The following KCTD1 variants were observed in gnomAD, a reference collection of about 807,000 sequenced individuals.
KCTD1 encodes potassium channel tetramerization domain containing 1.
A neutral mutation model predicts 66.0 loss-of-function variants in KCTD1; 24 were observed. The observed-to-expected ratio is 0.36, with a 90% CI of 0.26 to 0.51. The LOEUF (loss-of-function observed/expected upper bound fraction) is 0.51. KCTD1 is among the 20% of genes least tolerant of loss of function. The pLI, the probability that KCTD1 is intolerant of heterozygous loss-of-function variation, is 0.95. For synonymous variants in KCTD1, 511 were observed against 517.2 expected (o/e 0.99, Z 0.16); for missense variants, 943 against 1,205.2 (o/e 0.78, Z 3.22).
intron 2 of KCTD1, among the ~76,000 whole-genome samples, chr18:26,478,566 A>C (rs1981466303): frequency 6.6e-6 from 1 of 152,200 alleles, no homozygotes; most frequent in Non-Finnish European, 1.5e-5. Context: ...TCTTTTAAAA[A>C]TCCTGTTTTT....
chr18:26,464,650 CTG>C (rs923832941), intron 3 of KCTD1, among the ~76,000 whole-genome samples: 4 of 152,332 alleles, frequency 2.6e-5, no homozygotes, highest in Admixed American at 2.6e-4. Context: ...ATTTTAAAAA[CTG>C]TGTAGGTGCC....
chr18:26,573,900 G>C (rs557670519), intron 1 of KCTD1, among the ~76,000 whole-genome samples: 1 of 152,238 alleles, frequency 6.6e-6, no homozygotes, highest in East Asian at 1.9e-4. Context: ...TTCAAGACTG[G>C]TCCTTGCATT....
chr18:26,562,982 G>A (rs1239417047), intron 1 of KCTD1, among the ~76,000 whole-genome samples: 2 of 152,172 alleles, frequency 1.3e-5, no homozygotes, highest in African/African-American at 4.8e-5. Context: ...GAGGAACACA[G>A]TTCCGTCCGC....
Position 26,455,500 on chromosome 18 carries a change from T to C in KCTD1, c.*243A>G, listed in dbSNP as rs1047151384. 4.4e-6 allele frequency: 1 copy of C among 225,250 alleles called. No individual in the cohort carries two copies. The highest frequency in any genetic ancestry group is 8.3e-6 in the Non-Finnish European group (1 of 121,126). 14.0% of individuals were successfully genotyped at this position (225,250 alleles called of 1,614,324 possible). A position where few individuals can be genotyped will look rare whatever the true frequency, so the allele number is the denominator to read the frequency against. ...GGCTGTCACCTTTTTTTTTTTTCTT[T>C]TTTGCATTTCCTACCTTTTGACATA... On this transcript the variant is annotated 3_prime_UTR_variant, in exon 5 of 5. Transcript: ENST00000580059.
chr18:26,459,719 G>A lies in KCTD1; in HGVS notation c.2340C>T (p.Gly780=), dbSNP rs1387141308. Residue 780 remains glycine (G), a synonymous_variant, in exon 4 of 5, where the codon GGC becomes GGT. Transcript: ENST00000580059. ...SLIEEVFPEI[G]DVMCNSVNAG... ...CATTGACAGAGTTACACATCACGTC[G>A]CCGATCTCTGGAAATACTTCTTCTA... 9.3e-6 allele frequency: 15 copies of A among 1,614,080 alleles called. No homozygotes were observed. The highest frequency in any genetic ancestry group is 1.7e-5 in the Admixed American group (1 of 60,024).
chr18:26,472,953 G>A (rs1404923127), intron 3 of KCTD1, among the ~76,000 whole-genome samples: 1 of 152,228 alleles, frequency 6.6e-6, no homozygotes, highest in Non-Finnish European at 1.5e-5. Context: ...CCTTGATCAT[G>A]TCTGAGAGTG....
At chr18:26,493,177 C>T (rs1231999068) in intron 2 of KCTD1, among the ~76,000 whole-genome samples, 6 of 152,076 alleles carry the variant, frequency 3.9e-5, no homozygotes, top group Non-Finnish European at 8.8e-5. Context: ...GTGTATGACC[C>T]GGAGTCCTGC....
chr18:26,550,863 C>T (rs559309623), upstream of KCTD1, among the ~76,000 whole-genome samples: 11 of 152,360 alleles, frequency 7.2e-5, no homozygotes, highest in East Asian at 2.1e-3. This position sits in a 1 kb window ranked among gnomAD's most constrained non-coding sequence, Gnocchi z 5.4. Flanking sequence ...TCCTGGGACG[C>T]TCCCAGGTTT....
In KCTD1 at chr18:26,546,708, A is replaced by G; in HGVS notation, c.1809+20T>C. The G allele has an allele frequency of 6.5e-7, 1 of 1,534,910 alleles. No individual in the cohort carries two copies. Among genetic ancestry groups the G allele is most frequent in the Non-Finnish European group, 8.8e-7 (1 of 1,140,530 alleles). ...GTGGTACCAAAGAAACATTTCATGC[A>G]TAGAGTTTGGTTTGGTTACCTGGGT... On this transcript the variant is annotated intron_variant, in intron 1 of 4. Transcript: ENST00000580059.
In KCTD1 at chr18:26,547,058, G is replaced by C; in HGVS notation, c.1479C>G (p.His493Gln). ...GGTGGGAGGGATGGGTGGGGGGGTG[G>C]TGGGAGTGGTGCCGTGCCGCCCCGT... is the stretch of plus-strand genomic sequence containing the variant. ...ALNGAARHHS[H>Q]HPPTHPSHHH... Residue 493 changes from histidine (H) to glutamine (Q), a missense_variant, in exon 1 of 5, where the codon CAC (histidine) becomes CAG (glutamine). Around this residue, in one of 10 missense-constraint regions of KCTD1, gnomAD observed 197 missense variants for 182.7 expected, o/e 1.08. Coordinates refer to ENST00000580059, the MANE Select transcript of KCTD1 (RefSeq NM_001142730.3). The C allele has an allele frequency of 6.7e-7, 1 of 1,501,910 alleles. No homozygotes were observed. Among genetic ancestry groups the C allele is most frequent in the South Asian group, 1.3e-5 (1 of 78,652 alleles). The allele number at this position is 1,501,910 out of a possible 1,614,324, so 93.0% of individuals were successfully genotyped here.
upstream of KCTD1, among the ~76,000 whole-genome samples, chr18:26,551,792 CA>C: frequency 6.6e-6 from 1 of 152,144 alleles, no homozygotes; most frequent in African/African-American, 2.4e-5. Flanking sequence ...ATGAAAGAAT[CA>C]AAAAAGCTTT....
intron 1 of KCTD1, among the ~76,000 whole-genome samples, chr18:26,536,423 C>A (rs1329290475): frequency 6.6e-6 from 1 of 152,204 alleles, no homozygotes; most frequent in African/African-American, 2.4e-5. Context: ...AATGTTACAG[C>A]AAAGAAAAGG....
intron 2 of KCTD1, among the ~76,000 whole-genome samples, chr18:26,484,978 G>C (rs1269663992): frequency 1.3e-5 from 2 of 152,156 alleles, no homozygotes; most frequent in African/African-American, 4.8e-5. Flanking sequence ...ACCTGAGCGG[G>C]GTAGATAAGG....
At chr18:26,616,161 TC>T (rs10711801) in intron 1 of KCTD1, among the ~76,000 whole-genome samples, 67,021 of 142,304 alleles carry the variant, frequency 0.47, 14,980 homozygotes, top group African/African-American at 0.56. Flanking sequence ...TTTTTTCTTC[TC>T]TTTTTATTGT....
intron 1 of KCTD1, among the ~76,000 whole-genome samples, chr18:26,515,410 C>T (rs1271214003): frequency 6.6e-6 from 1 of 152,138 alleles, no homozygotes; most frequent in South Asian, 2.1e-4. Flanking sequence ...GCAAAATATT[C>T]CAGGATCTAA....
At chr18:26,625,844 A>G (rs1987487079) in intron 1 of KCTD1, among the ~76,000 whole-genome samples, 1 of 152,034 alleles carries the variant, frequency 6.6e-6, no homozygotes, top group East Asian at 1.9e-4. Flanking sequence ...TCTCATTTCC[A>G]TATCTCTTCC....
rs112486931 is a variant in KCTD1 at position 26,535,652 on chromosome 18, C to A, written c.1809+11076G>T. 1.1e-3 allele frequency among the ~76,000 whole-genome samples: 161 copies of A among 152,252 alleles called. 3 individuals are homozygous for A. The highest frequency in any genetic ancestry group is 3.5e-3 in the African/African-American group (144 of 41,540). On this transcript the variant is annotated intron_variant, in intron 1 of 4. Transcript: ENST00000580059. ...TCATTCTGTTTTCAAAAGACACATCCATCAATATACTTGTGTTTTGGTGTC... is the reference window on the plus strand; with the variant it reads ...TCATTCTGTTTTCAAAAGACACATCAATCAATATACTTGTGTTTTGGTGTC...
chr18:26,499,680 G>GGTGTCT (rs2144675696), intron 2 of KCTD1, among the ~76,000 whole-genome samples: 1 of 152,316 alleles, frequency 6.6e-6, no homozygotes, highest in South Asian at 2.1e-4. Context: ...AGGTGACAGT[G>GGTGTCT]ACTTTTATGT....
At chr18:26,623,000 C>T (rs1987421343) in intron 1 of KCTD1, among the ~76,000 whole-genome samples, 1 of 152,150 alleles carries the variant, frequency 6.6e-6, no homozygotes, top group Admixed American at 6.5e-5. Flanking sequence ...ATGCAATCAG[C>T]CATCAAATCT....
Sources: gnomAD v4.1 joint callset for allele counts (sites outside exome capture counted in the v4.1 genomes callset) on GRCh38, gnomAD v4.1.1 for gene constraint, gnomAD v4.1.1 regional missense constraint, Gnocchi (gnomAD v3.1) non-coding constraint, MANE v1.5 for transcripts, NCBI Gene and HGNC (gene_info 2026-07-23, HGNC 2026-07-21) for gene names.